The following TXK variants were observed in gnomAD, a reference collection of about 807,000 sequenced individuals.
The protein encoded by TXK is tyrosine-protein kinase TXK.
A neutral mutation model predicts 81.0 loss-of-function variants in TXK; 60 were observed. The ratio of observed to expected loss-of-function variants is 0.74; its 90% CI spans 0.60 to 0.92. TXK has a LOEUF of 0.92. TXK is among the 40% of genes least tolerant of loss of function. The pLI is 0.00. For missense variants in TXK, 581 were observed against 638.3 expected (o/e 0.91, Z 0.97); for synonymous variants, 203 against 210.7 (o/e 0.96, Z 0.32).
Position 48,105,598 on chromosome 4 carries a change from T to C in TXK, c.447-643A>G, listed in dbSNP as rs559959853. Reference sequence around the variant, plus strand: ...GATAAAATGTTCACTATTTGGGTGATGGGTACACCAGAAACCCAATACCCA... The same window carrying C: ...GATAAAATGTTCACTATTTGGGTGACGGGTACACCAGAAACCCAATACCCA... On this transcript the variant is annotated intron_variant, in intron 5 of 14. Transcript: ENST00000264316. Among the ~76,000 whole-genome samples the C allele has an allele frequency of 1.3e-3, 198 of 152,208 alleles. 2 individuals carry two copies. Among genetic ancestry groups the C allele is most frequent in the Non-Finnish European group, 2.5e-3 (171 of 68,006 alleles).
chr4:48,093,978 A>G (rs1717877111), intron 8 of TXK, 99 bp downstream of exon 8: 2 of 1,450,362 alleles, frequency 1.4e-6, no homozygotes, highest in Non-Finnish European at 9.6e-7. Flanking sequence ...AACTATTTCT[A>G]TAGGGAGATT....
chr4:48,073,897 A>T, intron 13 of TXK, 38 bp downstream of exon 13: 1 of 1,333,246 alleles, frequency 7.5e-7, no homozygotes, highest in Non-Finnish European at 1.1e-6. Context: ...CCATTTTATT[A>T]AATCAAGCTC....
At chr4:48,096,059 A>T (rs951419820) in intron 6 of TXK, among the ~76,000 whole-genome samples, 1 of 152,216 alleles carries the variant, frequency 6.6e-6, no homozygotes, top group African/African-American at 2.4e-5. Flanking sequence ...TGAGAATTGC[A>T]GAACCCAAAT....
chr4:48,087,076 T>C (rs1717563440), intron 9 of TXK, among the ~76,000 whole-genome samples: 1 of 152,160 alleles, frequency 6.6e-6, no homozygotes, highest in African/African-American at 2.4e-5. Context: ...CCTAAAGGGC[T>C]TTTCTCCCTT....
chr4:48,123,838 C>A (rs1037858742), intron 1 of TXK, among the ~76,000 whole-genome samples: 3 of 152,178 alleles, frequency 2.0e-5, no homozygotes, highest in African/African-American at 7.2e-5. Flanking sequence ...CCCCCACTTT[C>A]AAGGTCTTCC....
intron 1 of TXK, among the ~76,000 whole-genome samples, chr4:48,127,448 G>A (rs1362428118): frequency 6.6e-6 from 1 of 152,186 alleles, no homozygotes; most frequent in Non-Finnish European, 1.5e-5. Flanking sequence ...TTGTTTTGCC[G>A]ATTAACCTGC....
In TXK at chr4:48,095,138, C is replaced by T. The variant is rs764430760; in HGVS notation, c.581+5G>A. On this transcript the variant is annotated splice_donor_5th_base_variant and intron_variant, in intron 7 of 14. Transcript: ENST00000264316. Reference sequence around the variant, plus strand: ...TCTATAGTAACCAAAATCACAAGTGCTTACCTTCTAGCTCCCATAAATACG... The same window carrying T: ...TCTATAGTAACCAAAATCACAAGTGTTTACCTTCTAGCTCCCATAAATACG... 23 of 1,608,720 alleles carry T rather than the reference C, an allele frequency of 1.4e-5. No individual in the cohort carries two copies. In the East Asian group the frequency reaches 5.1e-4, roughly 36 times the overall value.
Position 48,113,251 on chromosome 4 carries a change from G to A in TXK, c.130C>T (p.Gln44Ter). 1 of 1,613,546 alleles carries A rather than the reference G, an allele frequency of 6.2e-7. No homozygotes were observed. Among genetic ancestry groups the A allele is most frequent in the Non-Finnish European group, 8.5e-7 (1 of 1,179,608 alleles). ...TDEELPEKYT[Q>*]RRRPWLSQLS... ...TGGCTGAGCCACGGCCTGCGACGCT[G>A]GGTGTATTTTTCTGGAAGCTCTTCA... Residue 44 changes from glutamine to a stop codon, truncating the protein, a stop_gained, in exon 3 of 15, where the codon CAG becomes TAG. Transcript: ENST00000264316. LOFTEE classifies it high-confidence loss of function.
At chr4:48,084,147 T>C (rs1717416823) in intron 10 of TXK, among the ~76,000 whole-genome samples, 1 of 152,126 alleles carries the variant, frequency 6.6e-6, no homozygotes, top group African/African-American at 2.4e-5. Context: ...TGGAGTGCAG[T>C]GGTGCCATCA....
intron 4 of TXK, among the ~76,000 whole-genome samples, chr4:48,110,870 T>G (rs1718612890): frequency 6.6e-6 from 1 of 152,242 alleles, no homozygotes; most frequent in Non-Finnish European, 1.5e-5. Flanking sequence ...AAAGGGGCAC[T>G]TAAATGATCA....
chr4:48,110,747 T>A, intron 4 of TXK, 144 bp from the exon 5 acceptor site: 1 of 640,108 alleles, frequency 1.6e-6, no homozygotes, highest in Non-Finnish European at 2.7e-6. Context: ...GAAAAAAAAG[T>A]TTTTTTATTT....
At chr4:48,092,508 T>A (rs187228595) in intron 8 of TXK, among the ~76,000 whole-genome samples, 109 of 151,138 alleles carry the variant, frequency 7.2e-4, no homozygotes, top group African/African-American at 2.6e-3. Context: ...AGATCATAGA[T>A]GTTTAAAAAG....
intron 1 of TXK, 109 bp downstream of exon 1, chr4:48,134,046 A>T: frequency 8.5e-7 from 1 of 1,182,676 alleles, no homozygotes; most frequent in Non-Finnish European, 1.2e-6. Flanking sequence ...ATTATCTTTT[A>T]ATGTCCCCAA....
chr4:48,129,593 G>A (rs112887217), intron 1 of TXK, among the ~76,000 whole-genome samples: 12 of 152,250 alleles, frequency 7.9e-5, no homozygotes, highest in African/African-American at 2.4e-4. Flanking sequence ...GGAGTAAAAG[G>A]TGCTGTAAGG....
intron 6 of TXK, among the ~76,000 whole-genome samples, chr4:48,104,329 A>T (rs373860932): frequency 1.0e-3 from 2 of 1,928 alleles, no homozygotes; most frequent in Non-Finnish European, 1.4e-3. Context: ...TATATAATAT[A>T]ATATATAATA....
intron 10 of TXK, among the ~76,000 whole-genome samples, chr4:48,080,662 TCACACACACACACACACACACA>T (rs57819050): frequency 6.9e-6 from 1 of 144,476 alleles, no homozygotes. Flanking sequence ...TATTTGGTAA[TCACACACACACACACACACACA>T]CACACACACA....
rs1718321062 is a variant in TXK, at chr4:48,104,260, TAA to T, written c.501+639_501+640del. On this transcript the variant is annotated intron_variant, in intron 6 of 14. Transcript: ENST00000264316. ...ATATATAATATATATTTTATATATATAATATATAATATAATATATAATATATA... is the reference window on the plus strand; with the variant it reads ...ATATATAATATATATTTTATATATATTATATAATATAATATATAATATATA... 2.2e-4 allele frequency among the ~76,000 whole-genome samples: 3 copies of T among 13,400 alleles called. 1 individual carries two copies. The highest frequency in any genetic ancestry group is 1.2e-3 in the African/African-American group (3 of 2,568). The allele number at this position is 13,400 out of a possible 152,430, so 8.8% of individuals were successfully genotyped here. A position where few individuals can be genotyped will look rare whatever the true frequency, so the allele number is the denominator to read the frequency against.
chr4:48,075,543 G>A (rs1319984322), intron 12 of TXK, among the ~76,000 whole-genome samples: 4 of 152,052 alleles, frequency 2.6e-5, no homozygotes, highest in Admixed American at 6.6e-5. Flanking sequence ...CCAGCTACTC[G>A]GGGGGCTGAG....
intron 6 of TXK, among the ~76,000 whole-genome samples, 161 bp from the exon 7 acceptor site, chr4:48,095,383 T>A (rs1466998): frequency 0.31 from 47,171 of 152,092 alleles, 8,738 homozygotes; most frequent in Non-Finnish European, 0.41. Context: ...ACACAAAATC[T>A]TATCTCCCTT....
Sources: gnomAD v4.1 joint callset for allele counts (sites outside exome capture counted in the v4.1 genomes callset) on GRCh38, gnomAD v4.1.1 for gene constraint, MANE v1.5 for transcripts, NCBI Gene and HGNC (gene_info 2026-07-23, HGNC 2026-07-21) for gene names.